The following DOCK4 variants were observed in gnomAD, a reference collection of about 807,000 sequenced individuals.
The protein encoded by DOCK4 is dedicator of cytokinesis protein 4.
In DOCK4, 97 loss-of-function variants were observed where a neutral mutation model predicts 268.1. That is an observed-to-expected ratio of 0.36 (90% CI 0.31 to 0.43). The LOEUF (loss-of-function observed/expected upper bound fraction) is 0.43, where lower values mean the gene tolerates loss of function less well. Ranked by LOEUF, DOCK4 falls within the 20% of genes least tolerant of loss-of-function variation. DOCK4 has a pLI of 1.00. For missense variants in DOCK4, 2,145 were observed against 2,455.7 expected, an observed-to-expected ratio of 0.87 and a Z score of 2.67; for synonymous variants, 954 against 887.2, an observed-to-expected ratio of 1.08 and a Z score of -1.34.
intron 17 of DOCK4, among the ~76,000 whole-genome samples, chr7:111,876,038 A>G (rs1806835770): frequency 6.6e-6 from 1 of 152,218 alleles, no homozygotes; most frequent in South Asian, 2.1e-4. Context: ...TATTATCTTC[A>G]TAACTTCTAT....
Position 111,872,557 on chromosome 7 carries a change from C to A in DOCK4, c.1752G>T (p.Met584Ile), listed in dbSNP as rs1330762069. Residue 584 changes from methionine to isoleucine, a missense_variant, in exon 18 of 53, where the codon ATG becomes ATT. By Grantham distance (10) the Met-to-Ile change is conservative (BLOSUM62 1). Transcript: ENST00000428084. ...GGGTTCTCCATTTCAAAAGATCAAG[C>A]ATATCACCTTTCAAAATAGAAAAGG... ...CSTKLTQNGDMLDLLKWRTHP... is the reference protein window; with the variant it reads ...CSTKLTQNGDILDLLKWRTHP... 1 of 1,591,146 alleles carries A rather than the reference C, an allele frequency of 6.3e-7. No homozygotes were observed. Among genetic ancestry groups the A allele is most frequent in the Non-Finnish European group, 8.6e-7 (1 of 1,168,078 alleles).
chr7:111,945,168 C>T (rs1443930658), intron 9 of DOCK4, among the ~76,000 whole-genome samples: 1 of 152,084 alleles, frequency 6.6e-6, no homozygotes, highest in African/African-American at 2.4e-5. Flanking sequence ...TTGCTGAGTG[C>T]AATCACTGGT....
intron 20 of DOCK4, among the ~76,000 whole-genome samples, chr7:111,870,158 C>G (rs979746751): frequency 3.3e-5 from 5 of 152,092 alleles, no homozygotes; most frequent in African/African-American, 9.7e-5. Context: ...TGAGAAGAAC[C>G]TGGCTTATGT....
chr7:111,748,938 C>A (rs1432790833), intron 42 of DOCK4, among the ~76,000 whole-genome samples: 1 of 151,860 alleles, frequency 6.6e-6, no homozygotes, highest in African/African-American at 2.4e-5. Flanking sequence ...AAATATTACA[C>A]ACAACACTGA....
chr7:112,098,850 T>A (rs1250229447), intron 1 of DOCK4, among the ~76,000 whole-genome samples: 2 of 151,854 alleles, frequency 1.3e-5, no homozygotes, highest in East Asian at 3.9e-4. Flanking sequence ...CTCATGAGCA[T>A]AATTTAAATA....
chr7:111,728,442 C>A lies in DOCK4; in HGVS notation c.5760G>T (p.Arg1920=). ...PPYSVYERTL[R]RPVPLPHSLS... Reference sequence around the variant, plus strand: ...GGCTGTGAGGTAGCGGGACGGGGCGCCGCAGAGTCCGCTCGTAGACGCTGT... The same window carrying A: ...GGCTGTGAGGTAGCGGGACGGGGCGACGCAGAGTCCGCTCGTAGACGCTGT... The change falls in exon 53 of 53, where the codon CGG becomes CGT. Residue 1920 remains arginine, a synonymous_variant. Coordinates refer to ENST00000428084, the MANE Select transcript of DOCK4 (RefSeq NM_001363540.2). 6.3e-7 allele frequency: 1 copy of A among 1,599,108 alleles called. No homozygotes were observed. The highest frequency in any genetic ancestry group is 8.5e-7 in the Non-Finnish European group (1 of 1,171,950).
chr7:111,989,070 C>T lies in DOCK4; in HGVS notation c.409G>A (p.Asp137Asn), dbSNP rs778892000. The part of the protein sequence containing the change: ...RQVLVGHLTH[D>N]RMKDVKRHIT... ...TGGCGCTTCACGTCCTTCATCCGGTCGTGGGTGAGGTGGCCCACCAGCACC... is the reference window on the plus strand; with the variant it reads ...TGGCGCTTCACGTCCTTCATCCGGTTGTGGGTGAGGTGGCCCACCAGCACC... The change falls in exon 6 of 53, where the codon GAC (aspartate) becomes AAC (asparagine). Residue 137 changes from aspartate to asparagine, a missense_variant. Asp to Asn is a conservative substitution (Grantham distance 23). Transcript: ENST00000428084. 1.1e-5 allele frequency: 18 copies of T among 1,613,964 alleles called. No individual in the cohort carries two copies. Among genetic ancestry groups the T allele is most frequent in the Non-Finnish European group, 1.4e-5 (16 of 1,179,878 alleles).
intron 1 of DOCK4, among the ~76,000 whole-genome samples, chr7:112,061,950 T>A (rs907076731): frequency 6.6e-6 from 1 of 152,212 alleles, no homozygotes; most frequent in Non-Finnish European, 1.5e-5. Context: ...TCACTTTTTT[T>A]ATAAACATTA....
At chr7:111,762,818 A>G (rs1797536614) in intron 39 of DOCK4, among the ~76,000 whole-genome samples, 1 of 105,310 alleles carries the variant, frequency 9.5e-6, no homozygotes, top group South Asian at 3.5e-4. Flanking sequence ...CCCAGGCTGG[A>G]GTGCAGTGGC....
intron 1 of DOCK4, among the ~76,000 whole-genome samples, chr7:112,140,768 G>A (rs558156604): frequency 6.6e-6 from 1 of 151,926 alleles, no homozygotes; most frequent in Non-Finnish European, 1.5e-5. Context: ...AGAAGGCTTT[G>A]GGAGAATTCC....
intron 7 of DOCK4, among the ~76,000 whole-genome samples, chr7:111,979,967 T>A (rs1426568951): frequency 1.3e-5 from 2 of 152,154 alleles, no homozygotes; most frequent in African/African-American, 2.4e-5. Context: ...GGGCTGGGGG[T>A]CCAGAGACTG....
chr7:112,176,387 C>A (rs1376683699), intron 1 of DOCK4, among the ~76,000 whole-genome samples: 3 of 152,196 alleles, frequency 2.0e-5, no homozygotes, highest in African/African-American at 7.2e-5. Context: ...CTCCACTTGA[C>A]TTCACAATGC....
chr7:111,840,704 T>G (rs1586144567), intron 25 of DOCK4: 1 of 841,012 alleles, frequency 1.2e-6, no homozygotes, highest in South Asian at 1.9e-5. Context: ...ACAATCATGG[T>G]GCTTACAGAG....
chr7:111,919,698 T>C (rs1036765615), intron 12 of DOCK4, among the ~76,000 whole-genome samples: 14 of 152,220 alleles, frequency 9.2e-5, no homozygotes, highest in Non-Finnish European at 1.6e-4. Flanking sequence ...ACATCAAGAA[T>C]GACAAAGGTT....
In DOCK4 at chr7:112,004,049, A is replaced by G; in HGVS notation, c.120T>C (p.Asp40=). ...GAGGTTGTTCATAAGGCTACTCACCATCACACTTCTCCAGGATCTGAACTG... is the reference window on the plus strand; with the variant it reads ...GAGGTTGTTCATAAGGCTACTCACCGTCACACTTCTCCAGGATCTGAACTG... ...GDTVQILEKC[D]GWYRGFALKN... is the part of the protein sequence containing the mutation. The change falls in exon 2 of 53, where the codon GAT becomes GAC. Residue 40 remains aspartate, a splice_region_variant and synonymous_variant. Transcript: ENST00000428084. 3.8e-6 allele frequency: 6 copies of G among 1,599,798 alleles called. No homozygotes were observed. Among genetic ancestry groups the G allele is most frequent in the Non-Finnish European group, 5.1e-6 (6 of 1,172,648 alleles).
chr7:112,120,345 G>A (rs574100160), intron 1 of DOCK4, among the ~76,000 whole-genome samples: 4 of 152,050 alleles, frequency 2.6e-5, no homozygotes, highest in South Asian at 2.1e-4. Flanking sequence ...GTTTAGTAGC[G>A]CTATTTTAAA....
At chr7:112,102,237 T>C (rs1314373653) in intron 1 of DOCK4, among the ~76,000 whole-genome samples, 1 of 152,196 alleles carries the variant, frequency 6.6e-6, no homozygotes, top group African/African-American at 2.4e-5. Flanking sequence ...ACATATCCGT[T>C]AACAACATCT....
intron 8 of DOCK4, among the ~76,000 whole-genome samples, chr7:111,963,266 AG>A (rs1166489632): frequency 3.4e-5 from 5 of 149,140 alleles, no homozygotes; most frequent in Non-Finnish European, 7.4e-5. Context: ...CGCAGAAGAC[AG>A]GTGATTTCTG....
intron 1 of DOCK4, among the ~76,000 whole-genome samples, chr7:112,194,899 G>A (rs1820280497): frequency 6.6e-6 from 1 of 152,134 alleles, no homozygotes; most frequent in South Asian, 2.1e-4. Flanking sequence ...TAAATATTTA[G>A]TCTTCTGAAT....
Sources: gnomAD v4.1 joint callset for allele counts (sites outside exome capture counted in the v4.1 genomes callset) on GRCh38, gnomAD v4.1.1 for gene constraint, MANE v1.5 for transcripts, NCBI Gene and HGNC (gene_info 2026-07-23, HGNC 2026-07-21) for gene names.